Variants in NSD1 observed in about 807,000 individuals in gnomAD.
The protein encoded by NSD1 is histone-lysine N-methyltransferase, H3 lysine-36 specific.
In NSD1, 26 loss-of-function variants were observed where a neutral mutation model predicts 242.7. The ratio of observed to expected loss-of-function variants is 0.11; its 90% CI spans 0.08 to 0.15. The LOEUF (loss-of-function observed/expected upper bound fraction) is 0.15. NSD1 is among the 10% of genes least tolerant of loss of function. The probability of loss-of-function intolerance (pLI) is 1.00; values close to 1 mark genes in which losing one functional copy is unlikely to be tolerated. For synonymous variants in NSD1, 1,106 were observed against 1,178.1 expected (o/e 0.94, Z 1.25); for missense variants, 2,495 against 3,272.8 (o/e 0.76, Z 5.80).
chr5:177,196,537 T>A (rs1762114209), intron 3 of NSD1, among the ~76,000 whole-genome samples: 3 of 152,142 alleles, frequency 2.0e-5, no homozygotes, highest in African/African-American at 4.8e-5. Context: ...AGTTCTCAGG[T>A]TTCCATATCA....
At chr5:177,224,638 G>A (rs188321367) in intron 5 of NSD1, among the ~76,000 whole-genome samples, 158 of 150,232 alleles carry the variant, frequency 1.1e-3, no homozygotes, top group African/African-American at 3.8e-3. Context: ...CTGTGTACAT[G>A]ACCATGCAAT....
At position 177,235,912 on chromosome 5, in the gene NSD1, A is replaced by T. The variant is rs587784106; in HGVS notation, c.3888A>T (p.Lys1296Asn). 2.5e-6 allele frequency: 4 copies of T among 1,614,008 alleles called. No homozygotes were observed. ...ATGATCAGATATTTGCTCCTAAGAAAAAACAAAAGAAGGTACAGGAGCAGG... is the reference window on the plus strand; with the variant it reads ...ATGATCAGATATTTGCTCCTAAGAATAAACAAAAGAAGGTACAGGAGCAGG... The part of the protein sequence containing the change: ...EEYDQIFAPK[K>N]KQKKVQEQVH... The change falls in exon 6 of 23, where the codon AAA (lysine) becomes AAT (asparagine). Residue 1296 changes from lysine (K) to asparagine (N), a missense_variant. Lys to Asn is a moderately conservative substitution (Grantham distance 94). Transcript: ENST00000439151.
At chr5:177,162,624 C>T (rs1361117088) in intron 2 of NSD1, among the ~76,000 whole-genome samples, 1 of 152,096 alleles carries the variant, frequency 6.6e-6, no homozygotes, top group Admixed American at 6.6e-5. Flanking sequence ...TCAAGCGATC[C>T]GCCCACCTTG....
At chr5:177,254,015 C>T (rs1028583106) in intron 12 of NSD1, among the ~76,000 whole-genome samples, 2 of 152,016 alleles carry the variant, frequency 1.3e-5, no homozygotes, top group Admixed American at 6.6e-5. Context: ...AGTGCAATGG[C>T]GCAGTCTCGG....
intron 5 of NSD1, among the ~76,000 whole-genome samples, chr5:177,218,078 G>T (rs1286222775): frequency 6.6e-6 from 1 of 152,008 alleles, no homozygotes; most frequent in Non-Finnish European, 1.5e-5. Context: ...ATACTCCGCT[G>T]ATTTTTAACC....
intron 21 of NSD1, 98 bp from the exon 22 acceptor site, chr5:177,291,856 C>T: frequency 6.3e-6 from 7 of 1,112,540 alleles, no homozygotes; most frequent in South Asian, 5.3e-5. Context: ...ATCTCTTTTC[C>T]CAGAGAAGAG....
At chr5:177,178,233 G>T (rs1760366166) in intron 2 of NSD1, among the ~76,000 whole-genome samples, 1 of 152,016 alleles carries the variant, frequency 6.6e-6, no homozygotes, top group African/African-American at 2.4e-5. Context: ...TTGATTGATT[G>T]ATTGATTTAT....
intron 2 of NSD1, among the ~76,000 whole-genome samples, chr5:177,150,791 TTTCTCTTGATGC>T (rs1562120066): frequency 6.6e-6 from 1 of 152,204 alleles, no homozygotes; most frequent in Admixed American, 6.5e-5. Flanking sequence ...TTATCTCTGA[TTTCTCTTGATGC>T]TGTAATTGGA....
chr5:177,196,450 TGAG>T lies in NSD1; in HGVS notation c.1063+4436_1063+4438del, dbSNP rs201715357. On this transcript the variant is annotated intron_variant, in intron 3 of 22. Transcript: ENST00000439151. ...ATTGCGAATAGAAAATAAAAACAGA[TGAG>T]GAGGTAAAATGCATCTGATGTAGTA... 3.5e-3 allele frequency among the ~76,000 whole-genome samples: 529 copies of T among 152,142 alleles called. 2 individuals are homozygous for T. The highest frequency in any genetic ancestry group is 0.012 in the African/African-American group (503 of 41,488).
Position 177,135,727 on chromosome 5 carries a change from A to G in NSD1, c.624A>G (p.Gly208=). The G allele has an allele frequency of 1.9e-6, 3 of 1,614,228 alleles. No individual in the cohort carries two copies. Among genetic ancestry groups the G allele is most frequent in the Non-Finnish European group, 2.5e-6 (3 of 1,180,036 alleles). ...AGAATGGTGTAAAAGTGGCCATGGG[A>G]AGTGAACAAGACAGCACACCAGAGA... is the stretch of plus-strand genomic sequence containing the variant. ...KSENGVKVAM[G]SEQDSTPESR... Residue 208 remains glycine, a synonymous_variant, in exon 2 of 23, where the codon GGA becomes GGG. Coordinates refer to ENST00000439151, the MANE Select transcript of NSD1 (RefSeq NM_022455.5).
chr5:177,217,612 T>C (rs1339961658), intron 5 of NSD1, among the ~76,000 whole-genome samples: 1 of 151,880 alleles, frequency 6.6e-6, no homozygotes, highest in East Asian at 1.9e-4. Context: ...GTCTTTATTA[T>C]ATTTATGTAA....
chr5:177,190,718 G>T (rs1761596755), intron 2 of NSD1, among the ~76,000 whole-genome samples: 1 of 151,314 alleles, frequency 6.6e-6, no homozygotes, highest in Admixed American at 6.6e-5. Context: ...CTCCCAGGCT[G>T]GAGTGCAGTG....
rs2149753561 is a variant in NSD1 at position 177,134,093 on chromosome 5, G to C, written c.-18+141G>C. The C allele has an allele frequency of 6.6e-6, 1 of 151,236 alleles. No individual in the cohort carries two copies. Among genetic ancestry groups the C allele is most frequent in the South Asian group, 2.1e-4 (1 of 4,804 alleles). The allele number at this position is 151,236 out of a possible 1,614,324, so 9.4% of individuals were successfully genotyped here. A position where few individuals can be genotyped will look rare whatever the true frequency, so the allele number is the denominator to read the frequency against. On this transcript the variant is annotated intron_variant, in intron 1 of 22. Transcript: ENST00000439151. The surrounding 1 kb of genome is among the most constrained non-coding windows in gnomAD (Gnocchi z 4.2). ...GCGCGATGCGGGGTTGGTGGCCGGC[G>C]GCGCTGCAGCCGCCGGCCTCCTCCC...
intron 5 of NSD1, among the ~76,000 whole-genome samples, chr5:177,230,273 A>G (rs1371823691): frequency 6.6e-6 from 1 of 151,976 alleles, no homozygotes; most frequent in Non-Finnish European, 1.5e-5. Flanking sequence ...TTATTTAGGG[A>G]AAGAGTTGGT....
At position 177,296,482 on chromosome 5, in the gene NSD1, G is replaced by A. The variant is rs963545306; in HGVS notation, c.*1023G>A. 1.3e-5 allele frequency: 3 copies of A among 233,294 alleles called. No individual in the cohort carries two copies. Among genetic ancestry groups the A allele is most frequent in the African/African-American group, 6.6e-5 (3 of 45,444 alleles). 14.5% of individuals were successfully genotyped at this position (233,294 alleles called of 1,614,324 possible). On this transcript the variant is annotated 3_prime_UTR_variant, in exon 23 of 23. Coordinates refer to ENST00000439151, the MANE Select transcript of NSD1 (RefSeq NM_022455.5). Reference sequence around the variant, plus strand: ...GGAATCTCTGGCAAGCTCTGAGCTAGACACACCAGCTTCAGGAAGAGTACC... The same window carrying A: ...GGAATCTCTGGCAAGCTCTGAGCTAAACACACCAGCTTCAGGAAGAGTACC...
At chr5:177,149,003 G>C (rs972638540) in intron 2 of NSD1, among the ~76,000 whole-genome samples, 1 of 150,894 alleles carries the variant, frequency 6.6e-6, no homozygotes, top group Non-Finnish European at 1.5e-5. Context: ...ATTTTTAGTA[G>C]AGATAGGGTT....
intron 2 of NSD1, among the ~76,000 whole-genome samples, chr5:177,159,022 A>ATATATATATATATATATATATG (rs1215294756): frequency 2.5e-5 from 3 of 121,422 alleles, no homozygotes; most frequent in South Asian, 2.8e-4. Flanking sequence ...ATATATATAT[A>ATATATATATATATATATATATG]TATGAATGAT....
intron 2 of NSD1, among the ~76,000 whole-genome samples, chr5:177,145,084 CAA>C (rs530282937): frequency 0.033 from 2,591 of 77,676 alleles, 20 homozygotes; most frequent in Non-Finnish European, 0.053. Context: ...GACTTTGTCT[CAA>C]AAAAAAAAAA....
At chr5:177,162,749 A>G (rs1286694384) in intron 2 of NSD1, among the ~76,000 whole-genome samples, 1 of 151,894 alleles carries the variant, frequency 6.6e-6, no homozygotes, top group Admixed American at 6.6e-5. Flanking sequence ...GGTGTGATCT[A>G]AGCTCACTGC....
Sources: gnomAD v4.1 joint callset for allele counts (sites outside exome capture counted in the v4.1 genomes callset) on GRCh38, gnomAD v4.1.1 for gene constraint, Gnocchi (gnomAD v3.1) non-coding constraint, MANE v1.5 for transcripts, NCBI Gene and HGNC (gene_info 2026-07-23, HGNC 2026-07-21) for gene names.